The following CFAP47 variants were observed in gnomAD, a reference collection of about 807,000 sequenced individuals.
CFAP47 encodes the protein cilia- and flagella-associated protein 47.
CFAP47 carries 29 observed loss-of-function variants against 148.1 expected under a neutral mutation model. That is an observed-to-expected ratio of 0.20 (90% CI 0.15 to 0.27). The LOEUF (loss-of-function observed/expected upper bound fraction) is 0.27. Among genes scored for constraint, CFAP47 ranks in the 10% least tolerant of loss-of-function variants. CFAP47 has a pLI of 1.00. For synonymous variants in CFAP47, 664 were observed against 577.3 expected, an observed-to-expected ratio of 1.15 and a Z score of -2.15; for missense variants, 1,872 against 1,697.5, an observed-to-expected ratio of 1.10 and a Z score of -1.81.
intron 23 of CFAP47, among the ~76,000 whole-genome samples, chrX:36,032,405 T>A (rs1254097169): frequency 9.1e-6 from 1 of 110,403 alleles, no homozygotes; most frequent in African/African-American, 3.3e-5. Flanking sequence ...AGACGTAATA[T>A]GTTTATGGAA....
chrX:35,976,056 A>C, intron 15 of CFAP47, 143 bp downstream of exon 15: 1 of 580,788 alleles, frequency 1.7e-6, no homozygotes, highest in Non-Finnish European at 2.6e-6. Flanking sequence ...AGGGGTATTT[A>C]TTTTTACAGA....
intron 19 of CFAP47, among the ~76,000 whole-genome samples, chrX:35,999,414 C>A (rs997067028): frequency 1.8e-5 from 2 of 111,648 alleles, no homozygotes; most frequent in Non-Finnish European, 3.8e-5. Flanking sequence ...TAAGCACATG[C>A]CTTGTGTGTG....
intron 45 of CFAP47, among the ~76,000 whole-genome samples, chrX:36,216,445 C>G (rs1940159624): frequency 9.0e-6 from 1 of 111,362 alleles, no homozygotes; most frequent in African/African-American, 3.3e-5. Context: ...GAGTACCAGT[C>G]TGATGCTGGA....
chrX:36,241,971 A>G (rs1162511391), intron 48 of CFAP47, among the ~76,000 whole-genome samples: 1 of 111,718 alleles, frequency 9.0e-6, no homozygotes, highest in African/African-American at 3.3e-5. Flanking sequence ...CAGAGCACAC[A>G]TGCAAACATG....
intron 62 of CFAP47, among the ~76,000 whole-genome samples, chrX:36,375,702 G>A (rs972717229): frequency 8.9e-6 from 1 of 112,410 alleles, no homozygotes; most frequent in Non-Finnish European, 1.9e-5. Flanking sequence ...ATTTAAAGCA[G>A]TTATCTTCGC....
chrX:35,928,778 A>G (rs922042474), intron 2 of CFAP47, among the ~76,000 whole-genome samples: 52 of 111,079 alleles, frequency 4.7e-4, no homozygotes, highest in African/African-American at 1.6e-3. Flanking sequence ...TCTATTTTTA[A>G]CTTTTAAAGT....
At chrX:36,118,978 C>T (rs1299222513) in intron 33 of CFAP47, among the ~76,000 whole-genome samples, 1 of 111,767 alleles carries the variant, frequency 8.9e-6, no homozygotes, top group Non-Finnish European at 1.9e-5. Context: ...TTTGAGGAAT[C>T]TTTAGGTTTC....
intron 7 of CFAP47, among the ~76,000 whole-genome samples, chrX:35,955,496 G>C (rs1295713724): frequency 8.9e-6 from 1 of 111,765 alleles, no homozygotes; most frequent in Non-Finnish European, 1.9e-5. Context: ...TGTGCTTGCT[G>C]TTCTCTCTGC....
At chrX:36,370,741 AT>A (rs1190344357) in intron 62 of CFAP47, among the ~76,000 whole-genome samples, 1 of 111,255 alleles carries the variant, frequency 9.0e-6, no homozygotes, top group Non-Finnish European at 1.9e-5. Flanking sequence ...ATGAAAAAAA[AT>A]AGGATAGGAA....
chrX:36,252,135 T>C (rs1466405591), intron 49 of CFAP47, among the ~76,000 whole-genome samples: 3 of 110,898 alleles, frequency 2.7e-5, no homozygotes, highest in Non-Finnish European at 3.8e-5. Context: ...TATTATAATG[T>C]AGGTAAGTGG....
At chrX:36,159,396 A>G (rs1939404232) in intron 37 of CFAP47, 30 bp from the exon 38 acceptor site, 1 of 294,625 alleles carries the variant, frequency 3.4e-6, no homozygotes, top group Admixed American at 6.2e-5. Flanking sequence ...TTTTGTTAAA[A>G]CGTTTTCTCT....
intron 33 of CFAP47, among the ~76,000 whole-genome samples, chrX:36,117,910 A>G (rs963622020): frequency 1.8e-5 from 2 of 111,887 alleles, no homozygotes; most frequent in Non-Finnish European, 3.8e-5. Context: ...TTTTGATTTG[A>G]TATTTATATA....
intron 49 of CFAP47, among the ~76,000 whole-genome samples, chrX:36,253,271 C>T (rs1555998496): frequency 9.0e-6 from 1 of 111,528 alleles, no homozygotes; most frequent in Non-Finnish European, 1.9e-5. Context: ...AAAATATTTA[C>T]AAGACGTGAT....
chrX:36,051,506 G>A (rs1257847796), intron 26 of CFAP47, among the ~76,000 whole-genome samples: 2 of 111,635 alleles, frequency 1.8e-5, no homozygotes, highest in Non-Finnish European at 3.8e-5. Flanking sequence ...ACTTGCATGA[G>A]GCCTGTAGCC....
At chrX:36,221,808 C>T (rs1940215763) in intron 45 of CFAP47, among the ~76,000 whole-genome samples, 1 of 110,988 alleles carries the variant, frequency 9.0e-6, no homozygotes, top group South Asian at 3.7e-4. Context: ...AACACATATT[C>T]TCAAAATGTA....
chrX:36,301,666 T>C (rs1380870230), intron 53 of CFAP47, among the ~76,000 whole-genome samples: 5 of 110,633 alleles, frequency 4.5e-5, no homozygotes, highest in Non-Finnish European at 7.5e-5. Context: ...TGTGTCTGCA[T>C]GCTTGTTTAG....
chrX:36,100,511 A>G (rs186090417), intron 32 of CFAP47, among the ~76,000 whole-genome samples: 2 of 112,214 alleles, frequency 1.8e-5, no homozygotes, highest in African/African-American at 6.5e-5. Context: ...CCCTTATTGC[A>G]TAAGCAAGTC....
chrX:35,973,851 C>A (rs907525889), intron 13 of CFAP47, among the ~76,000 whole-genome samples: 3 of 112,376 alleles, frequency 2.7e-5, no homozygotes, highest in African/African-American at 9.7e-5. Flanking sequence ...TTAGTGAAAA[C>A]ACTTCATCCC....
intron 22 of CFAP47, among the ~76,000 whole-genome samples, chrX:36,025,766 A>T (rs1173739672): frequency 8.9e-6 from 1 of 112,154 alleles, no homozygotes; most frequent in Non-Finnish European, 1.9e-5. Context: ...CTGTTCATAT[A>T]CTTCACCTTT....
Sources: gnomAD v4.1 joint callset for allele counts (sites outside exome capture counted in the v4.1 genomes callset) on GRCh38, gnomAD v4.1.1 for gene constraint, MANE v1.5 for transcripts, NCBI Gene and HGNC (gene_info 2026-07-23, HGNC 2026-07-21) for gene names.